The following ABL2 variants were observed in gnomAD, a reference collection of about 807,000 sequenced individuals.
The protein encoded by ABL2 is ABL proto-oncogene 2, non-receptor tyrosine kinase.
In ABL2, 49 loss-of-function variants were observed where a neutral mutation model predicts 107.7. The observed-to-expected ratio is 0.45, with a 90% CI of 0.36 to 0.58. The LOEUF is 0.58. ABL2 is among the 20% of genes least tolerant of loss of function. The pLI, the probability that ABL2 is intolerant of heterozygous loss-of-function variation, is 0.00. For synonymous variants in ABL2, 549 were observed against 548.6 expected (o/e 1.00, Z -0.01); for missense variants, 1,245 against 1,457.0 (o/e 0.85, Z 2.37).
intron 1 of ABL2, among the ~76,000 whole-genome samples, chr1:179,203,756 C>T (rs925926665): frequency 5.3e-5 from 8 of 152,120 alleles, no homozygotes; most frequent in East Asian, 3.8e-4. Context: ...TGTCAAATTA[C>T]GTGCCAGTAT....
At chr1:179,204,606 A>T (rs942426343) in intron 1 of ABL2, among the ~76,000 whole-genome samples, 3 of 151,634 alleles carry the variant, frequency 2.0e-5, no homozygotes, top group Non-Finnish European at 2.9e-5. Context: ...AATTAACCAG[A>T]GGTGGTGGCG....
rs537726307 is a variant in ABL2 at position 179,148,198 on chromosome 1, C to A, written c.158-14824G>T. On this transcript the variant is annotated intron_variant, in intron 1 of 11. Transcript: ENST00000502732. Reference sequence around the variant, plus strand: ...GGACCACACGTGTGTGCCATCACCCCCGGCTAATTTTTGTATTTTTTTGTA... The same window carrying A: ...GGACCACACGTGTGTGCCATCACCCACGGCTAATTTTTGTATTTTTTTGTA... Among the ~76,000 whole-genome samples the A allele has an allele frequency of 2.0e-5, 3 of 152,136 alleles. No homozygotes were observed. The South Asian group carries it at 6.2e-4, about 32-fold the overall frequency.
chr1:179,139,747 C>A (rs1375397768), intron 1 of ABL2, among the ~76,000 whole-genome samples: 1 of 152,146 alleles, frequency 6.6e-6, no homozygotes, highest in Admixed American at 6.6e-5. Flanking sequence ...CGAGCATTAC[C>A]GCTTGAGCTC....
At chr1:179,226,209 A>G (rs1317697622) in intron 1 of ABL2, among the ~76,000 whole-genome samples, 2 of 150,448 alleles carry the variant, frequency 1.3e-5, no homozygotes, top group African/African-American at 4.9e-5. Flanking sequence ...ACCTATTCCC[A>G]TTTTTTCAAT....
Position 179,126,762 on chromosome 1 carries a change from A to T in ABL2, c.392-90T>A. 3.5e-6 allele frequency: 4 copies of T among 1,157,042 alleles called. No individual in the cohort carries two copies. Among genetic ancestry groups the T allele is most frequent in the East Asian group, 5.4e-5 (2 of 36,810 alleles). The allele number at this position is 1,157,042 out of a possible 1,614,324, so 71.7% of individuals were successfully genotyped here. On this transcript the variant is annotated intron_variant, in intron 3 of 11. Coordinates refer to ENST00000502732, the MANE Select transcript of ABL2 (RefSeq NM_007314.4). This position sits in a 1 kb window ranked among gnomAD's most constrained non-coding sequence, Gnocchi z 4.4. ...GTACTGTCAAACTTTAAACTCATTA[A>T]AAAAAAAAAAGAATCTAGAACTTTT...
At chr1:179,182,423 T>A (rs969669308) in intron 1 of ABL2, among the ~76,000 whole-genome samples, 2 of 152,200 alleles carry the variant, frequency 1.3e-5, no homozygotes, top group African/African-American at 4.8e-5. Flanking sequence ...GACAATTATA[T>A]GCTCTCCTCT....
intron 5 of ABL2, 98 bp downstream of exon 5, chr1:179,121,497 G>T: frequency 6.8e-7 from 1 of 1,477,504 alleles, no homozygotes; most frequent in Non-Finnish European, 9.2e-7. Flanking sequence ...CTAGTGGGTG[G>T]AAAGTGTTCC....
At chr1:179,160,252 A>T (rs1168047310) in intron 1 of ABL2, among the ~76,000 whole-genome samples, 1 of 152,086 alleles carries the variant, frequency 6.6e-6, no homozygotes, top group Non-Finnish European at 1.5e-5. Context: ...GGTGGCTTAC[A>T]TCTGCAATCC....
chr1:179,186,633 C>T (rs1023505200), intron 1 of ABL2, among the ~76,000 whole-genome samples: 11 of 151,938 alleles, frequency 7.2e-5, no homozygotes, highest in Admixed American at 7.2e-4. Flanking sequence ...TGCCCGGCCT[C>T]AACTTCTTTC....
At position 179,145,888 on chromosome 1, in the gene ABL2, G is replaced by C. The variant is rs557147247; in HGVS notation, c.158-12514C>G. 3.2e-3 allele frequency among the ~76,000 whole-genome samples: 396 copies of C among 125,660 alleles called. 2 individuals carry two copies. The highest frequency in any genetic ancestry group is 0.011 in the African/African-American group (391 of 34,328). The allele number at this position is 125,660 out of a possible 152,430, so 82.4% of individuals were successfully genotyped here. On this transcript the variant is annotated intron_variant, in intron 1 of 11. Transcript: ENST00000502732. ...TTTAAGCAGGATGGCCATATGGTCT[G>C]ATCTCCATTTTTTTTTTTTTTTTGA...
chr1:179,219,222 T>G (rs1043289606), intron 1 of ABL2, among the ~76,000 whole-genome samples: 3 of 152,174 alleles, frequency 2.0e-5, no homozygotes, highest in African/African-American at 7.2e-5. Context: ...TTTCTATTTT[T>G]TGTAGAGACA....
At chr1:179,122,428 CTTAA>C (rs1216582537) in intron 4 of ABL2, among the ~76,000 whole-genome samples, 2 of 151,936 alleles carry the variant, frequency 1.3e-5, no homozygotes, top group Non-Finnish European at 2.9e-5. Context: ...AAGAGTTTAT[CTTAA>C]TTGAGGTAAA....
At chr1:179,133,227 C>G in intron 2 of ABL2, 85 bp downstream of exon 2, 28 of 1,579,158 alleles carry the variant, frequency 1.8e-5, no homozygotes, top group Middle Eastern at 1.7e-4. Context: ...ATTTGTGGTT[C>G]CATTTATTTT....
chr1:179,221,505 T>C, intron 1 of ABL2: 1 of 152,516 alleles, frequency 6.6e-6, no homozygotes, highest in Non-Finnish European at 1.5e-5. Flanking sequence ...GCACAAGAAT[T>C]GCTTGAGCCC....
At chr1:179,177,807 A>G (rs1411064450) in intron 1 of ABL2, among the ~76,000 whole-genome samples, 2 of 152,228 alleles carry the variant, frequency 1.3e-5, no homozygotes, top group Non-Finnish European at 2.9e-5. Flanking sequence ...CTCATACCTC[A>G]GTCATCAGTA....
rs111265401 is a variant in ABL2 at position 179,214,084 on chromosome 1, A to G, written c.157+15157T>C. ...AATCAAGGCTTCCTATACATTAGCA[A>G]TAAGCAATTAGGAAAGATTATACTT... On this transcript the variant is annotated intron_variant, in intron 1 of 11. Coordinates refer to ENST00000502732, the MANE Select transcript of ABL2 (RefSeq NM_007314.4). 3.9e-3 allele frequency among the ~76,000 whole-genome samples: 595 copies of G among 152,338 alleles called. 1 individual carries two copies. The highest frequency in any genetic ancestry group is 0.014 in the African/African-American group (566 of 41,588).
At chr1:179,190,412 A>C (rs528964147) in intron 1 of ABL2, among the ~76,000 whole-genome samples, 1 of 152,314 alleles carries the variant, frequency 6.6e-6, no homozygotes, top group Non-Finnish European at 1.5e-5. Context: ...GGTGTGGGAG[A>C]AGAGGGGCTG....
chr1:179,181,098 A>G lies in ABL2; in HGVS notation c.158-47724T>C, dbSNP rs1190948632. ...AGCTGTCTGTCCAGGCATGCTGCTG[A>G]AAGAACAGTACATTCCTTCTTGTTC... On this transcript the variant is annotated intron_variant, in intron 1 of 11. Coordinates refer to ENST00000502732, the MANE Select transcript of ABL2 (RefSeq NM_007314.4). 2.0e-5 allele frequency among the ~76,000 whole-genome samples: 3 copies of G among 152,244 alleles called. No homozygotes were observed. The East Asian group carries it at 5.8e-4, about 29-fold the overall frequency.
At chr1:179,217,745 C>T (rs1003838791) in intron 1 of ABL2, among the ~76,000 whole-genome samples, 1 of 152,100 alleles carries the variant, frequency 6.6e-6, no homozygotes, top group Admixed American at 6.6e-5. Flanking sequence ...CTTCATTAGA[C>T]CATCATATAT....
Sources: gnomAD v4.1 joint callset for allele counts (sites outside exome capture counted in the v4.1 genomes callset) on GRCh38, gnomAD v4.1.1 for gene constraint, Gnocchi (gnomAD v3.1) non-coding constraint, MANE v1.5 for transcripts, NCBI Gene and HGNC (gene_info 2026-07-23, HGNC 2026-07-21) for gene names.